Variants in PIDD1 observed in about 807,000 individuals in gnomAD.
PIDD1 encodes the protein p53-induced death domain protein 1, also known as p53-induced death domain-containing protein 1.
PIDD1 carries 72 observed loss-of-function variants against 80.0 expected under a neutral mutation model. That is an observed-to-expected ratio of 0.90 (90% CI 0.74 to 1.09). The LOEUF (loss-of-function observed/expected upper bound fraction) is 1.09, where lower values mean the gene tolerates loss of function less well. PIDD1 is among the 50% of genes least tolerant of loss of function. The pLI is 0.00. For missense variants in PIDD1, 1,329 were observed against 1,228.3 expected (o/e 1.08, Z -1.23); for synonymous variants, 655 against 543.5 (o/e 1.21, Z -2.85).
Position 802,292 on chromosome 11 carries a change from AG to A in PIDD1, c.1078del (p.Leu360CysfsTer155). Reference sequence around the variant, plus strand: ...GACGAGGCCTGGCTCCGGCAGCAGCAGCCGATAGCGGATGGTGATGGGGGTG... The same window carrying A: ...GACGAGGCCTGGCTCCGGCAGCAGCACCGATAGCGGATGGTGATGGGGGTG... ...TATPITIRYR[L>X]LLPEPGLVPL... On this transcript the variant is annotated frameshift_variant, in exon 6 of 16. Coordinates refer to ENST00000347755, the MANE Select transcript of PIDD1 (RefSeq NM_145886.4). LOFTEE classifies it high-confidence loss of function. 1 of 1,612,074 alleles carries A rather than the reference AG, an allele frequency of 6.2e-7. No individual in the cohort carries two copies. The highest frequency in any genetic ancestry group is 8.5e-7 in the Non-Finnish European group (1 of 1,179,686).
In PIDD1 at chr11:800,759, C is replaced by T. The variant is rs771035534; in HGVS notation, c.1917+3G>A. ...CCTGCTGCCCTCCGGCCCGTGCCCC[C>T]ACCTTGTTTCGGGGCAGGCACTGCA... On this transcript the variant is annotated splice_donor_region_variant and intron_variant, in intron 11 of 15. Coordinates refer to ENST00000347755, the MANE Select transcript of PIDD1 (RefSeq NM_145886.4). 12 of 1,547,044 alleles carry T rather than the reference C, an allele frequency of 7.8e-6. No homozygotes were observed. Among genetic ancestry groups the T allele is most frequent in the Non-Finnish European group, 9.6e-6 (11 of 1,146,688 alleles).
chr11:801,324 T>A lies in PIDD1; in HGVS notation c.1524A>T (p.Gly508=), dbSNP rs1239505685. ...MAGRELQALL[G]EPEAAVSPLL... Reference sequence around the variant, plus strand: ...GGGGGCTCACTGCAGCCTCTGGTTCTCCCAGGAGGGCCTGCAGCTCTCGGC... The same window carrying A: ...GGGGGCTCACTGCAGCCTCTGGTTCACCCAGGAGGGCCTGCAGCTCTCGGC... The change falls in exon 9 of 16, where the codon GGA becomes GGT. Residue 508 remains glycine (G), a synonymous_variant. Transcript: ENST00000347755. 6.2e-7 allele frequency: 1 copy of A among 1,607,656 alleles called. No homozygotes were observed. Among genetic ancestry groups the A allele is most frequent in the Non-Finnish European group, 8.5e-7 (1 of 1,177,186 alleles).
At position 804,423 on chromosome 11, in the gene PIDD1, C is replaced by T. The variant is rs753780852; in HGVS notation, c.-35G>A. ...ACGGTCCTTGGAGGCCAGACATGTCCCAGCACGCAGGCAGGCCTGTCCAGG... is the reference window on the plus strand; with the variant it reads ...ACGGTCCTTGGAGGCCAGACATGTCTCAGCACGCAGGCAGGCCTGTCCAGG... On this transcript the variant is annotated 5_prime_UTR_variant, in exon 2 of 16. Transcript: ENST00000347755. The T allele has an allele frequency of 2.6e-6, 4 of 1,551,450 alleles. No homozygotes were observed. Among genetic ancestry groups the T allele is most frequent in the Non-Finnish European group, 3.5e-6 (4 of 1,149,062 alleles).
chr11:802,064 G>A lies in PIDD1; in HGVS notation c.1203C>T (p.Thr401=), dbSNP rs1359439419. The A allele has an allele frequency of 1.3e-6, 2 of 1,582,224 alleles. No homozygotes were observed. Among genetic ancestry groups the A allele is most frequent in the South Asian group, 1.1e-5 (1 of 87,068 alleles). The change falls in exon 7 of 16, where the codon ACC becomes ACT. Residue 401 remains threonine, a synonymous_variant. Transcript: ENST00000347755. The part of the protein sequence containing the change: ...QQDVGLWLLF[T]PPQARRCREV... ...CACGGCAGCGCCGGGCCTGCGGTGG[G>A]GTGAAGAGCAGCCACAGCCCCACAT...
chr11:807,748 G>T (rs1434708179), upstream of PIDD1, among the ~76,000 whole-genome samples: 3 of 152,078 alleles, frequency 2.0e-5, no homozygotes, highest in African/African-American at 7.2e-5. Context: ...CTGCACTCCA[G>T]CCTGGGCGGC....
At chr11:803,675 G>A (rs1389371488) in intron 2 of PIDD1, 88 bp from the exon 3 acceptor site, 7 of 1,475,760 alleles carry the variant, frequency 4.7e-6, no homozygotes, top group Middle Eastern at 2.3e-4. Context: ...AGCTGCTCGA[G>A]AGGCACAGAC....
chr11:799,703 T>C lies in PIDD1; in HGVS notation c.2474+112A>G, dbSNP rs527905771. 8 of 1,378,566 alleles carry C rather than the reference T, an allele frequency of 5.8e-6. No individual in the cohort carries two copies. The South Asian group carries it at 8.8e-5, about 15-fold the overall frequency. The allele number at this position is 1,378,566 out of a possible 1,614,324, so 85.4% of individuals were successfully genotyped here. A position where few individuals can be genotyped will look rare whatever the true frequency, so the allele number is the denominator to read the frequency against. On this transcript the variant is annotated intron_variant, in intron 15 of 15. Coordinates refer to ENST00000347755, the MANE Select transcript of PIDD1 (RefSeq NM_145886.4). ...AGACCTTTCCTTTCCAGCCTGGTGT[T>C]TGCCCTTCCCCCACCTCCCCTGGAA...
chr11:802,099 C>T lies in PIDD1; in HGVS notation c.1177-9G>A, dbSNP rs1396831370. ...AGCCACAGCCCCACATCCTGCCAGA[C>T]AAGGATGGTGTGAGCACTGGAGCCA... On this transcript the variant is annotated splice_polypyrimidine_tract_variant and intron_variant, in intron 6 of 15. Transcript: ENST00000347755. 10 of 1,575,536 alleles carry T rather than the reference C, an allele frequency of 6.3e-6. No homozygotes were observed. Among genetic ancestry groups the T allele is most frequent in the Non-Finnish European group, 6.0e-6 (7 of 1,161,226 alleles).
At chr11:799,640 T>A in intron 15 of PIDD1, 75 bp from the exon 16 acceptor site, 1 of 1,483,820 alleles carries the variant, frequency 6.7e-7, no homozygotes, top group Non-Finnish European at 8.9e-7. Context: ...TGCCTCGGAG[T>A]GTGGGGGAGT....
At chr11:799,783 G>A (rs755862613) in intron 15 of PIDD1, 32 bp downstream of exon 15, 1 of 1,502,940 alleles carries the variant, frequency 6.7e-7, no homozygotes, top group South Asian at 1.3e-5. Context: ...TCAGCCCTGG[G>A]GCTGGCAGCC....
At chr11:804,544 G>T (rs1865646144) in intron 1 of PIDD1, 81 bp from the exon 2 acceptor site, 1 of 1,378,070 alleles carries the variant, frequency 7.3e-7, no homozygotes, top group Admixed American at 2.9e-5. Context: ...GATGGAGTGG[G>T]GAGCTCTAGA....
Position 801,523 on chromosome 11 carries a change from C to T in PIDD1, c.1404G>A (p.Leu468=), listed in dbSNP as rs367544114. The change falls in exon 8 of 16, where the codon CTG becomes CTA. Residue 468 remains leucine, a synonymous_variant. Coordinates refer to ENST00000347755, the MANE Select transcript of PIDD1 (RefSeq NM_145886.4). ...ACLVPPEGTL[L]CSSGHPGVKV... Reference sequence around the variant, plus strand: ...TGACCCCAGGATGACCCGAGGAGCACAGCAGTGTCCCCTCCGGTGGCACCA... The same window carrying T: ...TGACCCCAGGATGACCCGAGGAGCATAGCAGTGTCCCCTCCGGTGGCACCA... 3.3e-5 allele frequency: 52 copies of T among 1,564,048 alleles called. No individual in the cohort carries two copies. Among genetic ancestry groups the T allele is most frequent in the African/African-American group, 1.5e-4 (11 of 73,836 alleles).
intron 15 of PIDD1, 39 bp downstream of exon 15, chr11:799,776 G>GC: frequency 6.7e-7 from 1 of 1,491,372 alleles, no homozygotes; most frequent in Non-Finnish European, 9.0e-7. Flanking sequence ...CCAGGGCTCA[G>GC]CCCTGGGGCT....
Position 801,929 on chromosome 11 carries a change from C to G in PIDD1, c.1302+36G>C, listed in dbSNP as rs1448937345. The G allele has an allele frequency of 4.4e-6, 7 of 1,593,806 alleles. No homozygotes were observed. In the Admixed American group the frequency reaches 5.1e-5, roughly 12 times the overall value. The stretch of plus-strand genomic sequence containing the variant: ...AGGTGCACGGCTCAGGGCAGCAGCT[C>G]TCCACTCGCCACCGGCAGGCCTGGG... On this transcript the variant is annotated intron_variant, in intron 7 of 15. Coordinates refer to ENST00000347755, the MANE Select transcript of PIDD1 (RefSeq NM_145886.4).
Position 799,836 on chromosome 11 carries a change from T to A in PIDD1, c.2453A>T (p.Gln818Leu), listed in dbSNP as rs1865091864. The change falls in exon 15 of 16, where the codon CAG (glutamine) becomes CTG (leucine). Residue 818 changes from glutamine (Q) to leucine (L), a missense_variant. Transcript: ENST00000347755. The stretch of plus-strand genomic sequence containing the variant: ...TCACCGGAACTCGTGCCGGATGCGC[T>A]GCACCTCCCGGTAGGACACCCCCAG... ...LHLGVSYREVQRIRHEFRDDL... is the reference protein window; with the variant it reads ...LHLGVSYREVLRIRHEFRDDL... 6.3e-7 allele frequency: 1 copy of A among 1,599,914 alleles called. No individual in the cohort carries two copies. The highest frequency in any genetic ancestry group is 2.2e-5 in the East Asian group (1 of 44,528).
chr11:805,345 C>T (rs1266454702), upstream of PIDD1: 4 of 492,008 alleles, frequency 8.1e-6, no homozygotes, highest in African/African-American at 2.1e-5. Context: ...GGGAGGTCTC[C>T]CGGCTCCTCC....
At position 803,388 on chromosome 11, in the gene PIDD1, C is replaced by T. The variant is rs1565066762; in HGVS notation, c.495G>A (p.Glu165=). Residue 165 remains glutamate, a synonymous_variant, in exon 3 of 16, where the codon GAG becomes GAA. Transcript: ENST00000347755. The stretch of plus-strand genomic sequence containing the variant: ...TGAGGGCGGGGAGGGCCCCCAGAGC[C>T]TCAGGCAGCTCAGAGAGGCAGTTGT... ...LSHNCLSELP[E]ALGALPALTF... is the part of the protein sequence containing the mutation. The T allele has an allele frequency of 1.9e-6, 3 of 1,614,006 alleles. No homozygotes were observed. Among genetic ancestry groups the T allele is most frequent in the Non-Finnish European group, 2.5e-6 (3 of 1,179,998 alleles).
intron 14 of PIDD1, 55 bp downstream of exon 14, chr11:800,076 T>C: frequency 6.2e-7 from 1 of 1,603,152 alleles, no homozygotes; most frequent in South Asian, 1.1e-5. Flanking sequence ...CATGTCACCC[T>C]GGTCACCCCT....
In PIDD1 at chr11:801,849, A is replaced by T. The variant is rs75177228; in HGVS notation, c.1302+116T>A. 24,211 of 1,370,368 alleles carry T rather than the reference A, an allele frequency of 0.018. 2,014 individuals carry two copies. The East Asian group carries it at 0.25, about 14-fold the overall frequency. The allele number at this position is 1,370,368 out of a possible 1,614,324, so 84.9% of individuals were successfully genotyped here. ...GAAGGTGCCAGGGACATAGGGAAGCAGGATCCAGGAGGGACGGGGCAGGGT... is the reference window on the plus strand; with the variant it reads ...GAAGGTGCCAGGGACATAGGGAAGCTGGATCCAGGAGGGACGGGGCAGGGT... On this transcript the variant is annotated intron_variant, in intron 7 of 15. Transcript: ENST00000347755.
Sources: gnomAD v4.1 joint callset for allele counts (sites outside exome capture counted in the v4.1 genomes callset) on GRCh38, gnomAD v4.1.1 for gene constraint, MANE v1.5 for transcripts, NCBI Gene and HGNC (gene_info 2026-07-23, HGNC 2026-07-21) for gene names.